Variants in DDO observed in about 807,000 individuals in gnomAD.
The protein encoded by DDO is D-aspartate oxidase, DDO.
Under a neutral mutation model 16.8 loss-of-function variants are expected in DDO, and 16 were observed. That is an observed-to-expected ratio of 0.95 (90% confidence interval 0.65 to 1.45). The LOEUF (loss-of-function observed/expected upper bound fraction) is 1.45. Among genes scored for constraint, DDO ranks in the 40% most tolerant of loss-of-function variants. The pLI is 0.00. For missense variants in DDO, 429 were observed against 420.3 expected (o/e 1.02, Z -0.18); for synonymous variants, 180 against 167.2 (o/e 1.08, Z -0.59).
At chr6:110,404,601 A>G (rs1327941601) in intron 4 of DDO, among the ~76,000 whole-genome samples, 173 bp downstream of exon 4, 2 of 152,244 alleles carry the variant, frequency 1.3e-5, no homozygotes, top group African/African-American at 4.8e-5. Context: ...TCCTTGTGAC[A>G]TAAACACTGT....
chr6:110,389,386 CT>C (rs1773064617), downstream of DDO, among the ~76,000 whole-genome samples: 3 of 152,344 alleles, frequency 2.0e-5, no homozygotes, highest in South Asian at 6.2e-4. Context: ...AAATTTCTTT[CT>C]ATATGTCTAC....
intron 2 of DDO, among the ~76,000 whole-genome samples, chr6:110,408,921 C>T (rs1036639671): frequency 2.0e-5 from 3 of 152,200 alleles, no homozygotes; most frequent in Non-Finnish European, 4.4e-5. Context: ...CCCAGGCCAA[C>T]CGGGACAGAG....
At chr6:110,408,822 C>T (rs1773750262) in intron 2 of DDO, among the ~76,000 whole-genome samples, 1 of 152,212 alleles carries the variant, frequency 6.6e-6, no homozygotes, top group Non-Finnish European at 1.5e-5. Flanking sequence ...ATCCAGCTGG[C>T]CACACAGTTG....
chr6:110,398,606 C>T (rs907367412), intron 4 of DDO, among the ~76,000 whole-genome samples: 10 of 152,098 alleles, frequency 6.6e-5, no homozygotes, highest in African/African-American at 1.9e-4. Flanking sequence ...GGGGAAAAGA[C>T]GAGCTCCTGG....
At chr6:110,411,765 G>T (rs889777214) in intron 2 of DDO, among the ~76,000 whole-genome samples, 1 of 152,028 alleles carries the variant, frequency 6.6e-6, no homozygotes, top group Non-Finnish European at 1.5e-5. Context: ...TAAACTATGG[G>T]CATATATAAC....
At position 110,404,943 on chromosome 6, in the gene DDO, T is replaced by A; in HGVS notation, c.289A>T (p.Ile97Leu). 5 of 1,614,034 alleles carry A rather than the reference T, an allele frequency of 3.1e-6. No homozygotes were observed. The highest frequency in any genetic ancestry group is 4.2e-6 in the Non-Finnish European group (5 of 1,179,974). The change falls in exon 4 of 5, where the codon ATA becomes TTA. Residue 97 changes from isoleucine (I) to leucine (L), a missense_variant. Physicochemically the swap from Ile to Leu is conservative, Grantham distance 5. Transcript: ENST00000368924. The stretch of plus-strand genomic sequence containing the variant: ...TCTTCAGTCGGAGTGCTCTGAAATA[T>A]CTGCCAACTCAAACGTATTAAGTGA... ...AGVHLVSGWQ[I>L]FQSTPTEEVP...
In DDO at chr6:110,392,842, T is replaced by G. The variant is rs370742160; in HGVS notation, c.959A>C (p.Glu320Ala). The change falls in exon 5 of 5, where the codon GAG becomes GCG. Residue 320 changes from glutamate to alanine, a missense_variant. Transcript: ENST00000368924. Reference sequence around the variant, plus strand: ...ACACTCGCTCACCAGCCTGGCGGCCTCCAGAGCAGTGCCCCAGTGCACTGA... The same window carrying G: ...ACACTCGCTCACCAGCCTGGCGGCCGCCAGAGCAGTGCCCCAGTGCACTGA... Reference protein sequence around the residue: ...GISVHWGTALEAARLVSECVH... With the variant: ...GISVHWGTALAAARLVSECVH... 11 of 1,613,236 alleles carry G rather than the reference T, an allele frequency of 6.8e-6. No homozygotes were observed. Among genetic ancestry groups the G allele is most frequent in the Non-Finnish European group, 5.1e-6 (6 of 1,179,586 alleles).
intron 1 of DDO, among the ~76,000 whole-genome samples, chr6:110,414,860 G>T (rs59065445): frequency 0.054 from 8,215 of 152,308 alleles, 478 homozygotes; most frequent in African/African-American, 0.14. Context: ...ACACACAGAG[G>T]TTCACCTTTC....
intron 4 of DDO, among the ~76,000 whole-genome samples, chr6:110,396,971 T>G (rs773039302): frequency 2.0e-5 from 3 of 152,214 alleles, no homozygotes; most frequent in Non-Finnish European, 4.4e-5. Flanking sequence ...TTCTGTGTGT[T>G]TATAATCTTC....
At chr6:110,409,729 G>T (rs534432268) in intron 2 of DDO, among the ~76,000 whole-genome samples, 1 of 152,234 alleles carries the variant, frequency 6.6e-6, no homozygotes, top group Non-Finnish European at 1.5e-5. Flanking sequence ...ATAAGCTGCA[G>T]AGAGAACTAA....
intron 3 of DDO, among the ~76,000 whole-genome samples, chr6:110,405,776 G>A (rs1773631747): frequency 6.6e-6 from 1 of 152,110 alleles, no homozygotes; most frequent in Non-Finnish European, 1.5e-5. Context: ...GGAGGCACAA[G>A]CCTGTAGTCC....
At chr6:110,404,237 G>T (rs561223053) in intron 4 of DDO, among the ~76,000 whole-genome samples, 1 of 152,110 alleles carries the variant, frequency 6.6e-6, no homozygotes, top group Admixed American at 6.5e-5. Flanking sequence ...AAGGTATCAC[G>T]GGCTGAACTT....
chr6:110,400,391 C>T (rs1190191414), intron 4 of DDO, among the ~76,000 whole-genome samples: 2 of 151,818 alleles, frequency 1.3e-5, no homozygotes, highest in Admixed American at 6.6e-5. Context: ...GGACCTCCAG[C>T]CCCCGCAGAG....
chr6:110,400,671 G>C (rs1039479922), intron 4 of DDO, among the ~76,000 whole-genome samples: 2 of 152,226 alleles, frequency 1.3e-5, no homozygotes, highest in African/African-American at 4.8e-5. Context: ...TTAAGCATTT[G>C]CATTTCACTT....
Position 110,408,447 on chromosome 6 carries a change from AATC to A in DDO, c.173-8_173-6del. 6.2e-7 allele frequency: 1 copy of A among 1,612,934 alleles called. No homozygotes were observed. The highest frequency in any genetic ancestry group is 1.1e-5 in the South Asian group (1 of 90,738). The stretch of plus-strand genomic sequence containing the variant: ...TCTGCGTGTGAATGGGTGTATCTGT[AATC>A]ATGGAGAAAAGCAAAGTGGAACAGA... On this transcript the variant is annotated splice_polypyrimidine_tract_variant and splice_region_variant and intron_variant, in intron 2 of 4. Transcript: ENST00000368924.
intron 2 of DDO, among the ~76,000 whole-genome samples, chr6:110,412,176 G>A (rs539361859): frequency 1.0e-3 from 152 of 152,054 alleles, no homozygotes; most frequent in Non-Finnish European, 1.9e-3. Context: ...AACCCCAGAG[G>A]TGAAGGTTAC....
At chr6:110,397,819 T>C (rs1053384887) in intron 4 of DDO, among the ~76,000 whole-genome samples, 1 of 152,182 alleles carries the variant, frequency 6.6e-6, no homozygotes, top group Admixed American at 6.5e-5. Context: ...ACTGGTCACC[T>C]TTATGTTGTT....
chr6:110,396,799 CAGTA>C (rs887493811), intron 4 of DDO, among the ~76,000 whole-genome samples: 1 of 152,098 alleles, frequency 6.6e-6, no homozygotes, highest in African/African-American at 2.4e-5. Context: ...TTGGCTCTCT[CAGTA>C]AGAATAACCA....
intron 2 of DDO, among the ~76,000 whole-genome samples, chr6:110,410,638 C>T (rs1773823882): frequency 6.6e-6 from 1 of 152,134 alleles, no homozygotes; most frequent in Non-Finnish European, 1.5e-5. Flanking sequence ...GGGAAAGCCC[C>T]TTATAAAACC....
Sources: gnomAD v4.1 joint callset for allele counts (sites outside exome capture counted in the v4.1 genomes callset) on GRCh38, gnomAD v4.1.1 for gene constraint, MANE v1.5 for transcripts, NCBI Gene and HGNC (gene_info 2026-07-23, HGNC 2026-07-21) for gene names.